NFASC: variants seen among roughly 807,000 people sequenced by gnomAD.
NFASC encodes neurofascin.
NFASC carries 43 observed loss-of-function variants against 147.5 expected under a neutral mutation model. The ratio of observed to expected loss-of-function variants is 0.29; its 90% confidence interval spans 0.23 to 0.38. The LOEUF (loss-of-function observed/expected upper bound fraction) is 0.38. Ranked by LOEUF, NFASC falls within the 10% of genes least tolerant of loss-of-function variation. The pLI, the probability that NFASC is intolerant of heterozygous loss-of-function variation, is 1.00. For missense variants in NFASC, 1,320 were observed against 1,689.0 expected (o/e 0.78, Z 3.83); for synonymous variants, 622 against 665.5 (o/e 0.93, Z 1.01).
chr1:205,014,133 A>G (rs1054531102), intron 29 of NFASC, among the ~76,000 whole-genome samples: 1 of 152,180 alleles, frequency 6.6e-6, no homozygotes, highest in Non-Finnish European at 1.5e-5. Flanking sequence ...ACCTCCTCCA[A>G]TACAAGGCTG....
At chr1:204,905,285 T>G (rs1276917664) in intron 1 of NFASC, among the ~76,000 whole-genome samples, 2 of 152,106 alleles carry the variant, frequency 1.3e-5, no homozygotes, top group Non-Finnish European at 2.9e-5. Context: ...CCTGCTGTTT[T>G]CCTTAGAAGC....
At chr1:205,003,064 ACTGT>A (rs1008168245) in intron 27 of NFASC, among the ~76,000 whole-genome samples, 1 of 152,130 alleles carries the variant, frequency 6.6e-6, no homozygotes, top group African/African-American at 2.4e-5. Context: ...ACATTTGGTC[ACTGT>A]CTGTGGGTCT....
At chr1:204,906,822 T>C (rs934858709) in intron 1 of NFASC, among the ~76,000 whole-genome samples, 3 of 152,100 alleles carry the variant, frequency 2.0e-5, no homozygotes, top group South Asian at 2.1e-4. Context: ...TAGCTGGGAC[T>C]ACAGGCACCC....
chr1:204,954,848 G>A lies in NFASC; in HGVS notation c.432G>A (p.Lys144=), dbSNP rs200777181. 1 of 1,614,178 alleles carries A rather than the reference G, an allele frequency of 6.2e-7. No individual in the cohort carries two copies. The highest frequency in any genetic ancestry group is 1.3e-5 in the African/African-American group (1 of 75,032). ...LQVSKSPLWP[K]ENLDPVVVQE... ...CTCCAGAATCTCCTCTGTGGCCCAAGGAAAACCTAGACCCTGTCGTGGTCC... is the reference window on the plus strand; with the variant it reads ...CTCCAGAATCTCCTCTGTGGCCCAAAGAAAACCTAGACCCTGTCGTGGTCC... The change falls in exon 7 of 30, where the codon AAG becomes AAA. Residue 144 remains lysine, a synonymous_variant. Transcript: ENST00000339876. The surrounding 1 kb of genome is among the most constrained non-coding windows in gnomAD (Gnocchi z 5.7).
At chr1:204,909,176 G>A (rs944284108) in intron 1 of NFASC, among the ~76,000 whole-genome samples, 4 of 152,092 alleles carry the variant, frequency 2.6e-5, no homozygotes, top group African/African-American at 4.8e-5. Flanking sequence ...TATTCTAGAC[G>A]CTGTACCATT....
intron 3 of NFASC, chr1:204,946,821 C>A: frequency 2.0e-6 from 1 of 500,238 alleles, no homozygotes; most frequent in East Asian, 5.8e-5. Flanking sequence ...TTCGGCAGAC[C>A]CCACGGGGCA....
At chr1:204,885,527 G>A (rs1448894321) in intron 1 of NFASC, among the ~76,000 whole-genome samples, 5 of 152,214 alleles carry the variant, frequency 3.3e-5, no homozygotes, top group Admixed American at 6.5e-5. Context: ...GCAACCCACC[G>A]TCAGAGAAAG....
At position 204,954,808 on chromosome 1, in the gene NFASC, T is replaced by C; in HGVS notation, c.413-21T>C. The C allele has an allele frequency of 2.5e-6, 4 of 1,613,882 alleles. No homozygotes were observed. The South Asian group carries it at 3.3e-5, about 13-fold the overall frequency. ...CCCAGCCATCACCCTCACTTTATCC[T>C]CTTTGTCCACTTCTCTCCAGAATCT... On this transcript the variant is annotated intron_variant, in intron 6 of 29. Transcript: ENST00000339876. The surrounding 1 kb of genome is among the most constrained non-coding windows in gnomAD (Gnocchi z 5.7).
chr1:204,832,495 G>T (rs1388065392), intron 1 of NFASC, among the ~76,000 whole-genome samples: 2 of 152,124 alleles, frequency 1.3e-5, no homozygotes, highest in African/African-American at 4.8e-5. Context: ...GATGGGGAGG[G>T]CAAGTTGTTG....
intron 27 of NFASC, among the ~76,000 whole-genome samples, chr1:205,003,508 G>C (rs1193450814): frequency 6.6e-6 from 1 of 152,166 alleles, no homozygotes; most frequent in African/African-American, 2.4e-5. Context: ...ATACTTACAG[G>C]GCACTCCCTG....
chr1:204,902,676 A>C (rs34527809), intron 1 of NFASC, among the ~76,000 whole-genome samples: 7,456 of 152,274 alleles, frequency 0.049, 460 homozygotes, highest in African/African-American at 0.15. Flanking sequence ...TAATTGTTGA[A>C]GTTGGCTGAT....
intron 1 of NFASC, among the ~76,000 whole-genome samples, chr1:204,901,463 G>A (rs2084561669): frequency 6.6e-6 from 1 of 152,176 alleles, no homozygotes; most frequent in African/African-American, 2.4e-5. Flanking sequence ...GCTCGCTTGT[G>A]TTAAATCAGG....
At chr1:204,843,658 T>TC (rs1676122666) in intron 1 of NFASC, among the ~76,000 whole-genome samples, 3 of 81,258 alleles carry the variant, frequency 3.7e-5, no homozygotes, top group Non-Finnish European at 7.6e-5. Context: ...CTCCCTCCCT[T>TC]CCTTCCTCCC....
Position 205,017,885 on chromosome 1 carries a change from T to C in NFASC, c.*1346T>C, listed in dbSNP as rs1055755406. ...GCTCTTTGTATGCCTTATGCAGCGC[T>C]GATCTGTCCCTGGAGTTCCCAGGTT... On this transcript the variant is annotated 3_prime_UTR_variant, in exon 30 of 30. Coordinates refer to ENST00000339876, the MANE Select transcript of NFASC (RefSeq NM_001005388.3). The C allele has an allele frequency of 3.3e-5, 5 of 152,796 alleles. No homozygotes were observed. The highest frequency in any genetic ancestry group is 1.2e-4 in the African/African-American group (5 of 41,466). 9.5% of individuals were successfully genotyped at this position (152,796 alleles called of 1,614,324 possible).
At chr1:204,955,019 G>T in intron 7 of NFASC, 68 bp downstream of exon 7, 1 of 1,575,954 alleles carries the variant, frequency 6.3e-7, no homozygotes, top group South Asian at 1.1e-5. Context: ...TGTGTTAAGT[G>T]GGGAGGGGCT....
At chr1:204,949,968 T>C (rs564642911) in intron 3 of NFASC, among the ~76,000 whole-genome samples, 1 of 152,204 alleles carries the variant, frequency 6.6e-6, no homozygotes, top group African/African-American at 2.4e-5. Context: ...TATAAGGCAA[T>C]GTACCATGAA....
At chr1:204,947,000 A>G (rs2093793380) in intron 3 of NFASC, 2 of 357,268 alleles carry the variant, frequency 5.6e-6, no homozygotes, top group South Asian at 4.2e-5. Flanking sequence ...CCTGTCTCAT[A>G]AGGTTGACTG....
In NFASC at chr1:204,954,207, A is replaced by G. The variant is rs1399989820; in HGVS notation, c.235A>G (p.Ser79Gly). The change falls in exon 6 of 30, where the codon AGC becomes GGC. Residue 79 changes from serine (S) to glycine (G), a missense_variant. By Grantham distance (56) the Ser-to-Gly change is moderately conservative (BLOSUM62 0). Coordinates refer to ENST00000339876, the MANE Select transcript of NFASC (RefSeq NM_001005388.3). The surrounding 1 kb of genome is among the most constrained non-coding windows in gnomAD (Gnocchi z 5.7). ...CCACAGCTTCCACTGGACACGAAAC[A>G]GCAGATTCTTCAACATCGCCAAGGA... Reference protein sequence around the residue: ...PAPSFHWTRNSRFFNIAKDPR... With the variant: ...PAPSFHWTRNGRFFNIAKDPR... 2.5e-6 allele frequency: 4 copies of G among 1,614,212 alleles called. No homozygotes were observed. Among genetic ancestry groups the G allele is most frequent in the Non-Finnish European group, 3.4e-6 (4 of 1,180,036 alleles).
chr1:204,988,942 G>A (rs2095666586), intron 23 of NFASC, 136 bp downstream of exon 23: 1 of 783,290 alleles, frequency 1.3e-6, no homozygotes, highest in African/African-American at 1.7e-5. Context: ...CTCGGAAGGT[G>A]AGAACCCATC....
Sources: allele counts gnomAD v4.1 joint callset (sites outside exome capture counted in the v4.1 genomes callset), GRCh38; gene constraint gnomAD v4.1.1; non-coding constraint Gnocchi (gnomAD v3.1); transcripts MANE v1.5; gene names NCBI Gene and HGNC (gene_info 2026-07-23, HGNC 2026-07-21).